The following RC3H1 variants were observed in gnomAD, a reference collection of about 807,000 sequenced individuals.
The protein encoded by RC3H1 is roquin-1.
Under a neutral mutation model 138.2 loss-of-function variants are expected in RC3H1, and 50 were observed. The ratio of observed to expected loss-of-function variants is 0.36; its 90% CI spans 0.29 to 0.46. RC3H1 has a LOEUF of 0.46. Among genes scored for constraint, RC3H1 ranks in the 20% least tolerant of loss-of-function variants. The pLI is 1.00. For synonymous variants in RC3H1, 462 were observed against 489.1 expected, an observed-to-expected ratio of 0.94 and a Z score of 0.73; for missense variants, 1,031 against 1,388.1, an observed-to-expected ratio of 0.74 and a Z score of 4.09.
intron 1 of RC3H1, among the ~76,000 whole-genome samples, chr1:174,012,691 G>A (rs1383167122): frequency 6.6e-6 from 1 of 151,898 alleles, no homozygotes; most frequent in Non-Finnish European, 1.5e-5. Flanking sequence ...GGCTGAGGCA[G>A]GAGAATGGCG....
chr1:173,994,796 CAAAAAAA>C (rs984715226), intron 1 of RC3H1, among the ~76,000 whole-genome samples: 10 of 67,186 alleles, frequency 1.5e-4, no homozygotes, highest in Non-Finnish European at 3.2e-4. Flanking sequence ...GACCCCATCT[CAAAAAAA>C]AAAAAAAAAA....
In RC3H1 at chr1:174,003,143, T is replaced by G. The variant is rs557614296; in HGVS notation, c.-150-10008A>C. Among the ~76,000 whole-genome samples the G allele has an allele frequency of 2.4e-4, 37 of 152,220 alleles. 1 individual carries two copies. The South Asian group carries it at 7.7e-3, about 32-fold the overall frequency. On this transcript the variant is annotated intron_variant, in intron 1 of 19. Coordinates refer to ENST00000367696, the MANE Select transcript of RC3H1 (RefSeq NM_172071.4). ...TGGCTTATGCCTGTAATCCCAACAC[T>G]TTGGGAGGCTGAAGTGGAGGATTAC...
At chr1:173,960,904 A>C (rs1365583521) in intron 13 of RC3H1, 173 bp downstream of exon 13, 4 of 619,036 alleles carry the variant, frequency 6.5e-6, no homozygotes, top group Non-Finnish European at 8.3e-6. Context: ...AATGCATTAC[A>C]TTACATACAT....
Position 173,964,152 on chromosome 1 carries a change from G to C in RC3H1, c.1652C>G (p.Pro551Arg), listed in dbSNP as rs1024880910. Residue 551 changes from proline to arginine, a missense_variant, in exon 11 of 20, where the codon CCT becomes CGT. Pro to Arg is a moderately radical substitution (Grantham distance 103, BLOSUM62 -2). Transcript: ENST00000367696. The stretch of plus-strand genomic sequence containing the variant: ...TGGAGGTATAGAATGTGGATTCACA[G>C]GTAAGGCAGAAATACTCTTAGGAAC... ...ESVPKSISAL[P>R]VNPHSIPPRG... The C allele has an allele frequency of 6.2e-7, 1 of 1,613,994 alleles. No homozygotes were observed. Among genetic ancestry groups the C allele is most frequent in the African/African-American group, 1.3e-5 (1 of 75,006 alleles).
intron 1 of RC3H1, among the ~76,000 whole-genome samples, chr1:173,995,142 C>T (rs1448107662): frequency 6.6e-6 from 1 of 152,060 alleles, no homozygotes; most frequent in Non-Finnish European, 1.5e-5. Context: ...AAGATGACTG[C>T]TGAACGAAAG....
chr1:173,984,946 C>T (rs115975586), intron 2 of RC3H1, among the ~76,000 whole-genome samples: 1 of 152,156 alleles, frequency 6.6e-6, no homozygotes, highest in East Asian at 1.9e-4. Flanking sequence ...AAAAGAAACA[C>T]AGTACCCTTT....
At chr1:174,013,182 C>T (rs562166343) in intron 1 of RC3H1, among the ~76,000 whole-genome samples, 2 of 151,686 alleles carry the variant, frequency 1.3e-5, no homozygotes, top group Non-Finnish European at 2.9e-5. Context: ...GCTGATAGTA[C>T]AAGCAACAAA....
At chr1:174,007,321 C>T (rs1178215180) in intron 1 of RC3H1, among the ~76,000 whole-genome samples, 1 of 151,110 alleles carries the variant, frequency 6.6e-6, no homozygotes, top group Non-Finnish European at 1.5e-5. Flanking sequence ...ACCCGGGAGG[C>T]GGAGCTTGCA....
chr1:173,957,235 T>C (rs1407562698), intron 13 of RC3H1, among the ~76,000 whole-genome samples: 1 of 152,218 alleles, frequency 6.6e-6, no homozygotes, highest in Non-Finnish European at 1.5e-5. Flanking sequence ...ATATGAATTA[T>C]TTACTGAATG....
In RC3H1 at chr1:173,938,465, G is replaced by T; in HGVS notation, c.*256C>A. On this transcript the variant is annotated 3_prime_UTR_variant, in exon 20 of 20. Transcript: ENST00000367696. ...GTTATTAAAATAAAGTTCATTCACAGAACAAAAACAAATTTAATCTGAATT... is the reference window on the plus strand; with the variant it reads ...GTTATTAAAATAAAGTTCATTCACATAACAAAAACAAATTTAATCTGAATT... The T allele has an allele frequency of 3.6e-6, 1 of 280,556 alleles. No individual in the cohort carries two copies. 17.4% of individuals were successfully genotyped at this position (280,556 alleles called of 1,614,324 possible).
At chr1:173,993,725 A>T (rs1481912666) in intron 1 of RC3H1, among the ~76,000 whole-genome samples, 3 of 151,270 alleles carry the variant, frequency 2.0e-5, no homozygotes, top group Non-Finnish European at 4.4e-5. Flanking sequence ...AAATATATCT[A>T]AAAAATAATC....
At chr1:174,003,771 C>CCTGCCA (rs1661602280) in intron 1 of RC3H1, among the ~76,000 whole-genome samples, 1 of 151,722 alleles carries the variant, frequency 6.6e-6, no homozygotes, top group Admixed American at 6.6e-5. Flanking sequence ...ACGCCATTCT[C>CCTGCCA]CTGCCTCTGC....
intron 11 of RC3H1, 83 bp from the exon 12 acceptor site, chr1:173,962,178 A>G: frequency 8.1e-7 from 1 of 1,231,290 alleles, no homozygotes; most frequent in South Asian, 1.5e-5. Flanking sequence ...TAAAATACTG[A>G]AACACTAAAG....
intron 5 of RC3H1, among the ~76,000 whole-genome samples, chr1:173,981,919 A>G (rs1660837293): frequency 6.6e-6 from 1 of 151,164 alleles, no homozygotes; most frequent in Non-Finnish European, 1.5e-5. Flanking sequence ...AGTCAGAAAA[A>G]TAATACTGGA....
At position 173,942,560 on chromosome 1, in the gene RC3H1, T is replaced by G. The variant is rs187711517; in HGVS notation, c.3135+882A>C. On this transcript the variant is annotated intron_variant, in intron 18 of 19. Coordinates refer to ENST00000367696, the MANE Select transcript of RC3H1 (RefSeq NM_172071.4). ...AAAGATTATGAAAACTGGCTGGGCG[T>G]GGTGGCTCACACCTGTAATCCCAGC... Among the ~76,000 whole-genome samples, 46 of 151,554 alleles carry G rather than the reference T, an allele frequency of 3.0e-4. No individual in the cohort carries two copies. In the East Asian group the frequency reaches 6.8e-3, roughly 22 times the overall value.
intron 1 of RC3H1, among the ~76,000 whole-genome samples, chr1:174,016,922 A>C (rs915114064): frequency 6.6e-6 from 1 of 151,918 alleles, no homozygotes; most frequent in Non-Finnish European, 1.5e-5. Context: ...AAGCTTACTA[A>C]ACAACTGCCT....
chr1:174,001,577 C>T (rs1661565578), intron 1 of RC3H1, among the ~76,000 whole-genome samples: 2 of 152,094 alleles, frequency 1.3e-5, no homozygotes, highest in South Asian at 4.1e-4. Context: ...GCTGGGATTA[C>T]AGATGTGCAA....
At chr1:173,986,675 GC>G (rs1257286215) in intron 2 of RC3H1, among the ~76,000 whole-genome samples, 2 of 152,164 alleles carry the variant, frequency 1.3e-5, no homozygotes, top group African/African-American at 4.8e-5. Flanking sequence ...AGATTCTCAT[GC>G]CTCAGCCTCC....
intron 1 of RC3H1, among the ~76,000 whole-genome samples, chr1:173,997,658 A>G (rs1029962869): frequency 6.6e-6 from 1 of 152,310 alleles, no homozygotes; most frequent in Admixed American, 6.5e-5. Context: ...TAGAATAAAA[A>G]TACAAAAATC....
Sources: gnomAD v4.1 joint callset for allele counts (sites outside exome capture counted in the v4.1 genomes callset) on GRCh38, gnomAD v4.1.1 for gene constraint, MANE v1.5 for transcripts, NCBI Gene and HGNC (gene_info 2026-07-23, HGNC 2026-07-21) for gene names.